CHM: variants seen among roughly 807,000 people sequenced by gnomAD.
CHM encodes the protein CHM Rab escort protein.
Under a neutral mutation model 49.0 loss-of-function variants are expected in CHM, and 10 were observed. That is an observed-to-expected ratio of 0.20 (90% CI 0.13 to 0.35). The LOEUF is 0.35. CHM is among the 10% of genes least tolerant of loss of function. CHM has a pLI of 1.00. For missense variants in CHM, 455 were observed against 478.4 expected, an observed-to-expected ratio of 0.95 and a Z score of 0.46; for synonymous variants, 184 against 167.5, an observed-to-expected ratio of 1.10 and a Z score of -0.76.
At chrX:85,873,279 T>C in intron 13 of CHM, 67 bp from the exon 14 acceptor site, 3 of 814,076 alleles carry the variant, frequency 3.7e-6, no homozygotes, top group Non-Finnish European at 5.3e-6. Flanking sequence ...CTACACTGTG[T>C]AGCCTATTAC....
intron 8 of CHM, among the ~76,000 whole-genome samples, chrX:85,950,510 C>T (rs1325915902): frequency 9.1e-6 from 1 of 109,450 alleles, no homozygotes; most frequent in Admixed American, 9.8e-5. Context: ...AGAATGCAGC[C>T]AGAAAGACAA....
At chrX:86,004,694 A>G (rs1181199108) in intron 2 of CHM, among the ~76,000 whole-genome samples, 1 of 112,224 alleles carries the variant, frequency 8.9e-6, no homozygotes, top group Non-Finnish European at 1.9e-5. Context: ...AAAGGGATCA[A>G]TTCAACAAGA....
intron 7 of CHM, among the ~76,000 whole-genome samples, chrX:85,957,496 T>G (rs886781501): frequency 4.5e-5 from 5 of 110,375 alleles, no homozygotes; most frequent in Admixed American, 9.7e-5. Context: ...AATGGAATCA[T>G]GAAAACAGAT....
chrX:85,882,041 C>G (rs768803601), intron 12 of CHM, among the ~76,000 whole-genome samples: 1 of 111,063 alleles, frequency 9.0e-6, no homozygotes, highest in South Asian at 3.8e-4. Flanking sequence ...ATTTAAATGA[C>G]TGATGTTATA....
chrX:85,964,100 C>G (rs746864137), intron 4 of CHM, 48 bp from the exon 5 acceptor site: 5 of 1,104,222 alleles, frequency 4.5e-6, no homozygotes, highest in Non-Finnish European at 6.1e-6. Context: ...TATATATTCC[C>G]TTACCCCTTT....
chrX:85,911,415 T>G lies in CHM; in HGVS notation c.1167-77A>C, dbSNP rs370600600. 6.3e-5 allele frequency: 28 copies of G among 447,070 alleles called. No homozygotes were observed. In the African/African-American group the frequency reaches 7.4e-4, roughly 12 times the overall value. The allele number at this position is 447,070 out of a possible 1,213,427, so 36.8% of individuals were successfully genotyped here. A position where few individuals can be genotyped will look rare whatever the true frequency, so the allele number is the denominator to read the frequency against. On this transcript the variant is annotated intron_variant, in intron 8 of 14. Coordinates refer to ENST00000357749, the MANE Select transcript of CHM (RefSeq NM_000390.4). ...GGTAAAAGTATTTTCTTTTAAGTAT[T>G]TTACACTTCATAACTGGTATTACAG...
chrX:85,919,727 TAAG>T (rs1393170184), intron 8 of CHM, among the ~76,000 whole-genome samples: 1 of 111,961 alleles, frequency 8.9e-6, no homozygotes, highest in Non-Finnish European at 1.9e-5. Context: ...AATGAGAACA[TAAG>T]AAGTATTTTG....
At chrX:85,878,473 C>G in intron 13 of CHM, among the ~76,000 whole-genome samples, 1 of 105,814 alleles carries the variant, frequency 9.5e-6, no homozygotes, top group Non-Finnish European at 1.9e-5. Context: ...GAGTGAGACT[C>G]TGTCTCAAAA....
chrX:85,915,150 G>C (rs1182204067), intron 8 of CHM, among the ~76,000 whole-genome samples: 1 of 112,033 alleles, frequency 8.9e-6, no homozygotes, highest in Non-Finnish European at 1.9e-5. Flanking sequence ...GCATCATCCA[G>C]ATACCAAAAC....
chrX:86,021,330 T>C (rs1441631603), intron 2 of CHM, among the ~76,000 whole-genome samples: 1 of 107,342 alleles, frequency 9.3e-6, no homozygotes, highest in African/African-American at 3.4e-5. Flanking sequence ...ATCCATTACA[T>C]AGATTAGTTG....
At chrX:85,929,977 C>G (rs2148192828) in intron 8 of CHM, among the ~76,000 whole-genome samples, 1 of 111,299 alleles carries the variant, frequency 9.0e-6, no homozygotes, top group South Asian at 3.9e-4. Flanking sequence ...TGGCATGCAC[C>G]TGTAGTCCCA....
chrX:85,872,931 A>G, intron 14 of CHM, 121 bp downstream of exon 14: 1 of 634,771 alleles, frequency 1.6e-6, no homozygotes, highest in Admixed American at 3.6e-5. Flanking sequence ...CTTTTAGGGC[A>G]AATTACAGAA....
intron 2 of CHM, among the ~76,000 whole-genome samples, chrX:86,008,883 C>T (rs776143859): frequency 3.6e-5 from 4 of 112,001 alleles, no homozygotes; most frequent in Non-Finnish European, 7.5e-5. Context: ...AGAACATAGT[C>T]CTTATTGTAC....
At chrX:85,924,137 G>A (rs1024147293) in intron 8 of CHM, among the ~76,000 whole-genome samples, 2 of 111,331 alleles carry the variant, frequency 1.8e-5, no homozygotes, top group Non-Finnish European at 3.8e-5. Context: ...GACATGATCA[G>A]ATTTGTATTA....
At chrX:85,979,241 T>C (rs1931458652) in intron 3 of CHM, among the ~76,000 whole-genome samples, 1 of 111,875 alleles carries the variant, frequency 8.9e-6, no homozygotes, top group Non-Finnish European at 1.9e-5. Context: ...ATCTGTTATA[T>C]ACATTACTTA....
chrX:85,948,145 G>A (rs1019119799), intron 8 of CHM, among the ~76,000 whole-genome samples: 2 of 111,984 alleles, frequency 1.8e-5, no homozygotes, highest in African/African-American at 3.2e-5. Context: ...AATACCTGAC[G>A]TAGTATATAA....
At chrX:85,976,192 C>T (rs1267515620) in intron 4 of CHM, among the ~76,000 whole-genome samples, 1 of 111,852 alleles carries the variant, frequency 8.9e-6, no homozygotes, top group Non-Finnish European at 1.9e-5. Context: ...TTACACTGTA[C>T]TATAATATAG....
rs552543845 is a variant in CHM at position 85,914,720 on chromosome X, A to G, written c.1167-3382T>C. ...TGGAGCCCAACACTGCCCTGCTAGTATACACTTGCCTGTGCCCCAGCTGCC... is the reference window on the plus strand; with the variant it reads ...TGGAGCCCAACACTGCCCTGCTAGTGTACACTTGCCTGTGCCCCAGCTGCC... On this transcript the variant is annotated intron_variant, in intron 8 of 14. Transcript: ENST00000357749. Among the ~76,000 whole-genome samples, 24 of 111,390 alleles carry G rather than the reference A, an allele frequency of 2.2e-4. No individual in the cohort carries two copies. The South Asian group carries it at 8.9e-3, about 41-fold the overall frequency.
chrX:85,923,871 G>C (rs1260913268), intron 8 of CHM, among the ~76,000 whole-genome samples: 5 of 110,657 alleles, frequency 4.5e-5, no homozygotes, highest in Non-Finnish European at 9.4e-5. Flanking sequence ...CCACATGAAA[G>C]GGTGGAAGAA....
Sources: gnomAD v4.1 joint callset for allele counts (sites outside exome capture counted in the v4.1 genomes callset) on GRCh38, gnomAD v4.1.1 for gene constraint, MANE v1.5 for transcripts, NCBI Gene and HGNC (gene_info 2026-07-23, HGNC 2026-07-21) for gene names.